HSD3B2: variants seen among roughly 807,000 people sequenced by gnomAD.
HSD3B2 encodes the protein 3 beta-hydroxysteroid dehydrogenase/Delta 5-->4-isomerase type 2.
A neutral mutation model predicts 9.9 loss-of-function variants in HSD3B2; 8 were observed. The observed-to-expected ratio is 0.81, with a 90% CI of 0.47 to 1.46. HSD3B2 has a LOEUF of 1.46. Ranked by LOEUF, HSD3B2 falls within the 40% of genes most tolerant of loss-of-function variation. The probability of loss-of-function intolerance (pLI) is 0.00; values close to 1 mark genes in which losing one functional copy is unlikely to be tolerated. For synonymous variants in HSD3B2, 221 were observed against 184.5 expected, an observed-to-expected ratio of 1.20 and a Z score of -1.60; for missense variants, 410 against 448.3, an observed-to-expected ratio of 0.91 and a Z score of 0.77.
intron 3 of HSD3B2, among the ~76,000 whole-genome samples, chr1:119,420,464 C>A (rs1048188399): frequency 1.3e-5 from 2 of 152,134 alleles, no homozygotes; most frequent in Admixed American, 1.3e-4. Flanking sequence ...AGCCATACCC[C>A]TAAGTACCGC....
At chr1:119,419,814 G>A in intron 3 of HSD3B2, 1 of 537,742 alleles carries the variant, frequency 1.9e-6, no homozygotes, top group Non-Finnish European at 3.4e-6. Flanking sequence ...AAGTAAGTAA[G>A]TAAGTAGGAG....
chr1:119,421,377 GTATATATATATATGTATATATATA>G (rs1651851109), intron 3 of HSD3B2, among the ~76,000 whole-genome samples: 15 of 133,134 alleles, frequency 1.1e-4, no homozygotes, highest in African/African-American at 4.1e-4. Flanking sequence ...AAGTGTGTGT[GTATATATATATATGTATATATATA>G]TGTATATATA....
intron 2 of HSD3B2, 109 bp downstream of exon 2, chr1:119,415,670 C>A: frequency 8.9e-7 from 1 of 1,118,596 alleles, no homozygotes; most frequent in South Asian, 1.2e-5. Flanking sequence ...AAATGAAAGC[C>A]AGTCACACAT....
In HSD3B2 at chr1:119,422,938, C is replaced by T. The variant is rs992331641; in HGVS notation, c.*318C>T. The T allele has an allele frequency of 4.2e-6, 2 of 480,774 alleles. No homozygotes were observed. The highest frequency in any genetic ancestry group is 3.8e-5 in the African/African-American group (2 of 52,002). 29.8% of individuals were successfully genotyped at this position (480,774 alleles called of 1,614,324 possible). On this transcript the variant is annotated 3_prime_UTR_variant, in exon 4 of 4. Transcript: ENST00000369416. Reference sequence around the variant, plus strand: ...TTTTGACTAATAGAGCTCCATTTCCCCTCTTAAATGAGAAAGCATTTCTTT... The same window carrying T: ...TTTTGACTAATAGAGCTCCATTTCCTCTCTTAAATGAGAAAGCATTTCTTT...
chr1:119,422,238 C>T lies in HSD3B2; in HGVS notation c.737C>T (p.Pro246Leu). ...LRALRDPKKA[P>L]SVRGQFYYIS... is the part of the protein sequence containing the mutation. ...GCTCTGCGGGACCCCAAGAAGGCCC[C>T]AAGTGTCCGAGGTCAATTCTATTAC... is the stretch of plus-strand genomic sequence containing the variant. Residue 246 changes from proline to leucine, a missense_variant, in exon 4 of 4, where the codon CCA becomes CTA. Coordinates refer to ENST00000369416, the MANE Select transcript of HSD3B2 (RefSeq NM_000198.4). 6.2e-7 allele frequency: 1 copy of T among 1,614,090 alleles called. No individual in the cohort carries two copies. Among genetic ancestry groups the T allele is most frequent in the Non-Finnish European group, 8.5e-7 (1 of 1,180,000 alleles).
rs748675518 is a variant in HSD3B2 at position 119,415,374 on chromosome 1, C to A, written c.-46C>A. 2.7e-5 allele frequency: 43 copies of A among 1,609,030 alleles called. No individual in the cohort carries two copies. The highest frequency in any genetic ancestry group is 3.7e-5 in the Non-Finnish European group (43 of 1,176,320). ...TAGAATCAGATCTGCTCTCCAGCAT[C>A]TTCTGTTTCCTGGCAAGTGTTTCCT... On this transcript the variant is annotated 5_prime_UTR_variant, in exon 2 of 4. Transcript: ENST00000369416.
intron 3 of HSD3B2, among the ~76,000 whole-genome samples, chr1:119,421,465 GTA>G (rs1491180824): frequency 1.0e-3 from 5 of 4,926 alleles, no homozygotes; most frequent in African/African-American, 2.5e-3. Flanking sequence ...ATATATATAT[GTA>G]TATATATATG....
chr1:119,417,752 T>G (rs1435182270), intron 2 of HSD3B2, among the ~76,000 whole-genome samples: 1 of 152,210 alleles, frequency 6.6e-6, no homozygotes, highest in East Asian at 1.9e-4. Context: ...TTGGCCTTTG[T>G]GGGCATTTTC....
intron 2 of HSD3B2, among the ~76,000 whole-genome samples, chr1:119,418,262 C>T (rs1229300294): frequency 1.3e-5 from 2 of 152,158 alleles, no homozygotes; most frequent in Non-Finnish European, 2.9e-5. Flanking sequence ...ATAAAAGTTT[C>T]TCAATGAAAT....
Position 119,422,005 on chromosome 1 carries a change from T to C in HSD3B2, c.504T>C (p.Ala168=), listed in dbSNP as rs1557869936. The change falls in exon 4 of 4, where the codon GCT becomes GCC. Residue 168 remains alanine, a synonymous_variant. Coordinates refer to ENST00000369416, the MANE Select transcript of HSD3B2 (RefSeq NM_000198.4). ...TTGCTGAGAAGGCTGTGCTGGCGGC[T>C]AATGGGTGGAATCTAAAAAATGGTG... is the stretch of plus-strand genomic sequence containing the variant. ...KKLAEKAVLA[A]NGWNLKNGDT... is the part of the protein sequence containing the mutation. 6.8e-6 allele frequency: 11 copies of C among 1,614,112 alleles called. No homozygotes were observed. The highest frequency in any genetic ancestry group is 9.3e-6 in the Non-Finnish European group (11 of 1,179,994).
chr1:119,419,760 A>G, intron 3 of HSD3B2, 178 bp downstream of exon 3: 1 of 657,562 alleles, frequency 1.5e-6, no homozygotes, highest in Non-Finnish European at 2.7e-6. Context: ...TTAGATGAGA[A>G]AACTAGGGCT....
chr1:119,419,313 C>A (rs939893926), intron 2 of HSD3B2, 105 bp from the exon 3 acceptor site: 2 of 1,061,708 alleles, frequency 1.9e-6, no homozygotes, highest in South Asian at 1.3e-5. Flanking sequence ...CACTCTAATA[C>A]CCACACTCTA....
intron 2 of HSD3B2, among the ~76,000 whole-genome samples, chr1:119,418,262 C>A (rs1229300294): frequency 1.3e-5 from 2 of 152,158 alleles, no homozygotes; most frequent in African/African-American, 4.8e-5. Context: ...ATAAAAGTTT[C>A]TCAATGAAAT....
At chr1:119,415,605 C>T (rs1651684077) in intron 2 of HSD3B2, 44 bp downstream of exon 2, 1 of 1,607,298 alleles carries the variant, frequency 6.2e-7, no homozygotes, top group Non-Finnish European at 8.5e-7. Flanking sequence ...ATCTTAAACT[C>T]TGCATGGGTG....
At position 119,415,562 on chromosome 1, in the gene HSD3B2, G is replaced by A. The variant is rs1557867176; in HGVS notation, c.142+1G>A. 6.2e-7 allele frequency: 1 copy of A among 1,613,686 alleles called. No homozygotes were observed. The highest frequency in any genetic ancestry group is 1.7e-5 in the Admixed American group (1 of 59,994). On this transcript the variant is annotated splice_donor_variant, in intron 2 of 3. Transcript: ENST00000369416. LOFTEE classifies it high-confidence loss of function. ...CCAGAATTGAGAGAGGAATTTTCTA[G>A]TAAGTAAACTTGAGTCATGGGTCTG...
At chr1:119,419,001 C>T (rs1013817873) in intron 2 of HSD3B2, among the ~76,000 whole-genome samples, 1 of 152,142 alleles carries the variant, frequency 6.6e-6, no homozygotes, top group Admixed American at 6.5e-5. Context: ...TGACATGGTG[C>T]TGGAGACCCA....
At chr1:119,419,846 C>T (rs1050515630) in intron 3 of HSD3B2, 7 of 456,070 alleles carry the variant, frequency 1.5e-5, no homozygotes, top group South Asian at 1.3e-4. Context: ...AAACTCACTC[C>T]TGTGTGACTC....
intron 2 of HSD3B2, among the ~76,000 whole-genome samples, chr1:119,416,859 A>G (rs143379325): frequency 1.3e-4 from 20 of 152,352 alleles, no homozygotes; most frequent in Non-Finnish European, 2.5e-4. Flanking sequence ...AATATTTACA[A>G]TCTAACATCT....
At chr1:119,418,916 G>A (rs1276383978) in intron 2 of HSD3B2, among the ~76,000 whole-genome samples, 4 of 152,054 alleles carry the variant, frequency 2.6e-5, no homozygotes, top group Admixed American at 6.6e-5. Flanking sequence ...GTCCCAAAGA[G>A]CTGGAATTAC....
Sources: allele counts gnomAD v4.1 joint callset (sites outside exome capture counted in the v4.1 genomes callset), GRCh38; gene constraint gnomAD v4.1.1; transcripts MANE v1.5; gene names NCBI Gene and HGNC (gene_info 2026-07-23, HGNC 2026-07-21).